PTGER3: variants seen among roughly 807,000 people sequenced by gnomAD.
PTGER3 encodes prostaglandin E2 receptor EP3 subtype.
A neutral mutation model predicts 34.7 loss-of-function variants in PTGER3; 22 were observed. That is an observed-to-expected ratio of 0.63 (90% CI 0.45 to 0.91). PTGER3 has a LOEUF of 0.91. PTGER3 is among the 40% of genes least tolerant of loss of function. The pLI is 0.00. For synonymous variants in PTGER3, 241 were observed against 230.1 expected, an observed-to-expected ratio of 1.05 and a Z score of -0.43; for missense variants, 468 against 519.4, an observed-to-expected ratio of 0.90 and a Z score of 0.96.
chr1:70,877,210 G>T (rs1207460548), intron 4 of PTGER3, among the ~76,000 whole-genome samples: 4 of 152,018 alleles, frequency 2.6e-5, no homozygotes, highest in African/African-American at 9.7e-5. Flanking sequence ...TATTCTTTTT[G>T]TGGTGTTGTG....
chr1:70,862,397 C>T (rs1161900475), intron 4 of PTGER3: 1 of 1,363,290 alleles, frequency 7.3e-7, no homozygotes, highest in South Asian at 1.1e-5. Context: ...GCAGGGTTCT[C>T]CTATTATGTG....
rs1050900163 is a variant in PTGER3, at chr1:70,919,698, G to A, written c.*23+34065C>T. On this transcript the variant is annotated intron_variant, in intron 4 of 4. Transcript: ENST00000370931. ...TTCACTTTGAGTTTTACTACAACTG[G>A]GGGATAAAAGAGGATTAATATAAGA... Among the ~76,000 whole-genome samples, 6 of 152,028 alleles carry A rather than the reference G, an allele frequency of 3.9e-5. No homozygotes were observed. In the South Asian group the frequency reaches 8.3e-4, roughly 21 times the overall value.
At position 71,016,303 on chromosome 1, in the gene PTGER3, A is replaced by G. The variant is rs188696597; in HGVS notation, c.898-3819T>C. 1.3e-3 allele frequency among the ~76,000 whole-genome samples: 193 copies of G among 152,332 alleles called. 1 individual carries two copies. Among genetic ancestry groups the G allele is most frequent in the African/African-American group, 4.3e-3 (177 of 41,582 alleles). Reference sequence around the variant, plus strand: ...CCAGCAAGAAATTGCAGACACATACATCTCTAACATCAGGTGTAAAGCTTA... The same window carrying G: ...CCAGCAAGAAATTGCAGACACATACGTCTCTAACATCAGGTGTAAAGCTTA... On this transcript the variant is annotated intron_variant, in intron 1 of 3. Coordinates refer to ENST00000306666, the MANE Select transcript of PTGER3 (RefSeq NM_198719.2).
chr1:70,990,386 C>CACACATAT lies in PTGER3; in HGVS notation c.1078-15999_1078-15998insATATGTGT, dbSNP rs1206925417. Among the ~76,000 whole-genome samples the CACACATAT allele has an allele frequency of 2.5e-3, 333 of 131,354 alleles. 1 individual carries two copies. Among genetic ancestry groups the CACACATAT allele is most frequent in the African/African-American group, 9.2e-3 (307 of 33,484 alleles). 86.2% of individuals were successfully genotyped at this position (131,354 alleles called of 152,430 possible). ...ACACACACACACACACACACACACA[C>CACACATAT]ATATATATATATATAAAATACATAT... On this transcript the variant is annotated intron_variant, in intron 2 of 3. Coordinates refer to ENST00000306666, the MANE Select transcript of PTGER3 (RefSeq NM_198719.2).
intron 4 of PTGER3, among the ~76,000 whole-genome samples, chr1:70,925,454 CA>C (rs1259952780): frequency 2.0e-5 from 3 of 152,038 alleles, no homozygotes; most frequent in Non-Finnish European, 4.4e-5. Context: ...ACAAGTGTAA[CA>C]AGATGATATA....
intron 4 of PTGER3, among the ~76,000 whole-genome samples, chr1:70,859,782 A>G (rs1172694143): frequency 6.6e-6 from 1 of 152,224 alleles, no homozygotes; most frequent in Non-Finnish European, 1.5e-5. Flanking sequence ...TTTACACATG[A>G]GAAACTGAGC....
chr1:71,009,409 G>A, intron 2 of PTGER3: 15 of 980,590 alleles, frequency 1.5e-5, no homozygotes, highest in Non-Finnish European at 1.8e-5. Flanking sequence ...AAAATATCTT[G>A]GGATATATAC....
intron 4 of PTGER3, among the ~76,000 whole-genome samples, chr1:70,857,105 G>T (rs1408355021): frequency 6.6e-6 from 1 of 152,182 alleles, no homozygotes; most frequent in Non-Finnish European, 1.5e-5. Flanking sequence ...TAAACTAAAT[G>T]TAGAACACAC....
intron 2 of PTGER3, chr1:71,002,253 C>A (rs905611884): frequency 6.6e-6 from 1 of 151,968 alleles, no homozygotes; most frequent in Non-Finnish European, 1.5e-5. Flanking sequence ...CAGAGTAAGA[C>A]CCTATCTCTT....
chr1:71,006,551 A>G lies in PTGER3; in HGVS notation c.1077+5754T>C, dbSNP rs1288526980. On this transcript the variant is annotated intron_variant, in intron 2 of 3. Transcript: ENST00000306666. ...AAGAAAGGGAAATAACTAAGCTTACAATAATTTATAAATGCACTCTGTGTT... is the reference window on the plus strand; with the variant it reads ...AAGAAAGGGAAATAACTAAGCTTACGATAATTTATAAATGCACTCTGTGTT... 7 of 983,218 alleles carry G rather than the reference A, an allele frequency of 7.1e-6. No homozygotes were observed. The African/African-American group carries it at 1.2e-4, about 17-fold the overall frequency. 60.9% of individuals were successfully genotyped at this position (983,218 alleles called of 1,614,324 possible).
At chr1:70,869,284 T>A (rs1045849058) in intron 4 of PTGER3, 1 of 471,628 alleles carries the variant, frequency 2.1e-6, no homozygotes. Flanking sequence ...CCTGCCTCCA[T>A]GCATGACAAA....
intron 1 of PTGER3, among the ~76,000 whole-genome samples, chr1:71,037,569 G>GCT (rs1478399284): frequency 6.6e-6 from 1 of 152,112 alleles, no homozygotes; most frequent in Non-Finnish European, 1.5e-5. Flanking sequence ...ACATTTCTAT[G>GCT]CTTTTTCCTA....
downstream of PTGER3, among the ~76,000 whole-genome samples, chr1:70,970,064 T>G (rs1652924605): frequency 6.6e-6 from 1 of 152,210 alleles, no homozygotes. Context: ...CACATCACTT[T>G]GTCTTGTAAA....
chr1:70,922,694 T>G (rs765496898), intron 4 of PTGER3, among the ~76,000 whole-genome samples: 2 of 152,158 alleles, frequency 1.3e-5, no homozygotes, highest in Non-Finnish European at 2.9e-5. Context: ...AAAAACCAGT[T>G]CTATACACAA....
intron 4 of PTGER3, among the ~76,000 whole-genome samples, chr1:70,866,167 C>T (rs1489575654): frequency 1.3e-5 from 2 of 152,286 alleles, no homozygotes; most frequent in Middle Eastern, 6.8e-3. Flanking sequence ...ACATTGCTCA[C>T]CAGAGGGCTT....
rs570264263 is a variant in PTGER3, at chr1:70,911,040, A to G, written c.*23+42723T>C. Among the ~76,000 whole-genome samples the G allele has an allele frequency of 1.8e-3, 271 of 151,776 alleles. 2 individuals are homozygous for G. The highest frequency in any genetic ancestry group is 6.3e-3 in the African/African-American group (259 of 41,348). ...GGTTGCAGTAAGCTGAGATTGCGCC[A>G]CTGCACTCCAGCCTGGGCGACAGAG... On this transcript the variant is annotated intron_variant, in intron 4 of 4. Transcript: ENST00000370931.
At chr1:71,014,159 T>C (rs1657687987) in intron 1 of PTGER3, among the ~76,000 whole-genome samples, 1 of 152,198 alleles carries the variant, frequency 6.6e-6, no homozygotes, top group Non-Finnish European at 1.5e-5. Context: ...ACAGTACATT[T>C]CTATTGAACC....
chr1:70,853,361 A>G lies in PTGER3; in HGVS notation c.*24-502T>C, dbSNP rs1350137816. On this transcript the variant is annotated intron_variant, in intron 4 of 4. Coordinates refer to the PTGER3 transcript ENST00000370931. ...ATTAGAGAAATCCAGAATGGGAGGCATTCTATAGAACAACTAAACTAATTT... is the reference window on the plus strand; with the variant it reads ...ATTAGAGAAATCCAGAATGGGAGGCGTTCTATAGAACAACTAAACTAATTT... Among the ~76,000 whole-genome samples, 3 of 152,234 alleles carry G rather than the reference A, an allele frequency of 2.0e-5. No individual in the cohort carries two copies. The East Asian group carries it at 5.8e-4, about 29-fold the overall frequency.
chr1:71,010,700 A>AT, intron 2 of PTGER3: 1 of 984,340 alleles, frequency 1.0e-6, no homozygotes, highest in Non-Finnish European at 1.2e-6. Context: ...AGTATAGTCT[A>AT]TTTATCACCT....
Sources: allele counts gnomAD v4.1 joint callset (sites outside exome capture counted in the v4.1 genomes callset), GRCh38; gene constraint gnomAD v4.1.1; transcripts MANE v1.5; gene names NCBI Gene and HGNC (gene_info 2026-07-23, HGNC 2026-07-21).